Variants in UNC80 observed in about 807,000 individuals in gnomAD.
The protein encoded by UNC80 is unc-80 subunit of NALCN channel complex.
UNC80 carries 164 observed loss-of-function variants against 384.6 expected under a neutral mutation model. That is an observed-to-expected ratio of 0.43 (90% CI 0.38 to 0.49). The LOEUF is 0.49. UNC80 is among the 20% of genes least tolerant of loss of function. UNC80 has a pLI of 0.00. For missense variants in UNC80, 3,330 were observed against 4,143.0 expected (o/e 0.80, Z 5.39); for synonymous variants, 1,486 against 1,527.8 (o/e 0.97, Z 0.64).
At chr2:209,966,900 G>A (rs2092756740) in intron 51 of UNC80, among the ~76,000 whole-genome samples, 1 of 152,172 alleles carries the variant, frequency 6.6e-6, no homozygotes, top group Admixed American at 6.5e-5. Context: ...AATGGAGCCT[G>A]AAGAACCCCT....
intron 35 of UNC80, among the ~76,000 whole-genome samples, chr2:209,924,520 G>C (rs1367262223): frequency 2.6e-5 from 4 of 151,974 alleles, no homozygotes; most frequent in Non-Finnish European, 5.9e-5. Flanking sequence ...CTTCATTTTT[G>C]TACTTTCTGC....
chr2:209,776,554 C>G (rs2076876746), intron 3 of UNC80, among the ~76,000 whole-genome samples: 1 of 152,172 alleles, frequency 6.6e-6, no homozygotes, highest in South Asian at 2.1e-4. Context: ...GCATTCCAGC[C>G]TAGGTGACAA....
rs567901536 is a variant in UNC80 at position 209,789,764 on chromosome 2, C to A, written c.798+159C>A. Reference sequence around the variant, plus strand: ...TAACAGCTTCAGGTTTTTTATCAGTCGTATGAAAATTAATTTTCTGTATCT... The same window carrying A: ...TAACAGCTTCAGGTTTTTTATCAGTAGTATGAAAATTAATTTTCTGTATCT... On this transcript the variant is annotated intron_variant, in intron 6 of 64. Transcript: ENST00000673920. 2.2e-4 allele frequency among the ~76,000 whole-genome samples: 33 copies of A among 151,766 alleles called. No individual in the cohort carries two copies. In the South Asian group the frequency reaches 6.7e-3, roughly 31 times the overall value.
chr2:209,962,713 C>T (rs774194403), intron 51 of UNC80, among the ~76,000 whole-genome samples: 5 of 152,158 alleles, frequency 3.3e-5, no homozygotes, highest in Non-Finnish European at 5.9e-5. Context: ...AAAAGACAGG[C>T]CTGCCATAGT....
intron 61 of UNC80, among the ~76,000 whole-genome samples, chr2:209,991,934 G>A (rs7589926): frequency 0.49 from 74,608 of 151,940 alleles, 18,397 homozygotes; most frequent in Non-Finnish European, 0.5. Context: ...TGATAGATAC[G>A]GCATCAGTGA....
chr2:209,895,936 A>G (rs1368500133), intron 27 of UNC80, among the ~76,000 whole-genome samples: 1 of 152,180 alleles, frequency 6.6e-6, no homozygotes, highest in Non-Finnish European at 1.5e-5. Context: ...ACTGTGAGGC[A>G]GGTTAGTTGC....
intron 62 of UNC80, among the ~76,000 whole-genome samples, chr2:209,992,989 A>G (rs1213844413): frequency 6.6e-6 from 1 of 152,236 alleles, no homozygotes; most frequent in Non-Finnish European, 1.5e-5. Context: ...GCATATGTCC[A>G]GCTATAAGTT....
chr2:209,841,714 C>T (rs758462633), intron 20 of UNC80, among the ~76,000 whole-genome samples: 6 of 152,130 alleles, frequency 3.9e-5, no homozygotes, highest in Non-Finnish European at 7.4e-5. Flanking sequence ...AAATAATATG[C>T]AAGACTATAG....
chr2:209,874,448 G>A (rs2084591422), intron 23 of UNC80, among the ~76,000 whole-genome samples: 1 of 152,224 alleles, frequency 6.6e-6, no homozygotes, highest in Admixed American at 6.5e-5. Flanking sequence ...TTTATAGGGA[G>A]ATTGTCACCA....
chr2:209,794,008 A>T, intron 7 of UNC80, 149 bp downstream of exon 7: 1 of 981,586 alleles, frequency 1.0e-6, no homozygotes, highest in Non-Finnish European at 1.4e-6. Flanking sequence ...ATAATTAATA[A>T]TTGTAGAAAT....
intron 60 of UNC80, among the ~76,000 whole-genome samples, chr2:209,984,061 A>G (rs1048575880): frequency 6.6e-6 from 1 of 152,188 alleles, no homozygotes; most frequent in Admixed American, 6.5e-5. Context: ...TGCCTCACAG[A>G]TGCTTAGCTC....
chr2:209,931,254 C>A (rs184914509), intron 38 of UNC80, among the ~76,000 whole-genome samples, 200 bp downstream of exon 38: 27 of 152,140 alleles, frequency 1.8e-4, no homozygotes, highest in African/African-American at 4.8e-4. Context: ...TCCTCTCTGT[C>A]TTCCTTTAGC....
chr2:209,967,540 A>G lies in UNC80; in HGVS notation c.7909A>G (p.Thr2637Ala). The change falls in exon 52 of 65, where the codon ACT (threonine) becomes GCT (alanine). Residue 2637 changes from threonine to alanine, a missense_variant. Transcript: ENST00000673920. The stretch of plus-strand genomic sequence containing the variant: ...CTACATCATGGAGATGCTACCCATT[A>G]CTGACTGGACAGCTGAGGCAGTGAG... ...RRYIMEMLPITDWTAEAVRPA... is the reference protein window; with the variant it reads ...RRYIMEMLPIADWTAEAVRPA... 6.4e-7 allele frequency: 1 copy of G among 1,551,660 alleles called. No individual in the cohort carries two copies. Among genetic ancestry groups the G allele is most frequent in the South Asian group, 1.2e-5 (1 of 84,060 alleles).
chr2:209,839,511 G>A lies in UNC80; in HGVS notation c.3250+81G>A. The A allele has an allele frequency of 6.9e-7, 1 of 1,440,752 alleles. No individual in the cohort carries two copies. The allele number at this position is 1,440,752 out of a possible 1,614,324, so 89.2% of individuals were successfully genotyped here. A position where few individuals can be genotyped will look rare whatever the true frequency, so the allele number is the denominator to read the frequency against. On this transcript the variant is annotated intron_variant, in intron 19 of 64. Coordinates refer to ENST00000673920, the MANE Select transcript of UNC80 (RefSeq NM_001371986.1). This position sits in a 1 kb window ranked among gnomAD's most constrained non-coding sequence, Gnocchi z 4.1. ...GATCAACTCAGTGATGCATAGTAGG[G>A]CCGAAAAAGAAGACCTTCAAGTCAT... is the stretch of plus-strand genomic sequence containing the variant.
At chr2:209,980,140 TTG>T (rs1188630095) in intron 59 of UNC80, among the ~76,000 whole-genome samples, 1 of 152,188 alleles carries the variant, frequency 6.6e-6, no homozygotes, top group Non-Finnish European at 1.5e-5. Context: ...TAGGGAAATC[TTG>T]ACTGAGAAAA....
rs67328888 is a variant in UNC80, at chr2:209,866,486, A to ACCCC, written c.3628-6270_3628-6267dup. Among the ~76,000 whole-genome samples, 638 of 111,464 alleles carry ACCCC rather than the reference A, an allele frequency of 5.7e-3. 5 individuals carry two copies. The highest frequency in any genetic ancestry group is 0.018 in the African/African-American group (462 of 25,342). The allele number at this position is 111,464 out of a possible 152,430, so 73.1% of individuals were successfully genotyped here. On this transcript the variant is annotated intron_variant, in intron 22 of 64. Coordinates refer to ENST00000673920, the MANE Select transcript of UNC80 (RefSeq NM_001371986.1). ...ATAAACATTCCATAATACAAAATGC[A>ACCCC]CCCCCACACACACACACACACACAC...
At chr2:209,821,744 G>A (rs1164939143) in intron 13 of UNC80, among the ~76,000 whole-genome samples, 2 of 152,082 alleles carry the variant, frequency 1.3e-5, no homozygotes, top group East Asian at 1.9e-4. Flanking sequence ...AATTACTACA[G>A]CTTAAATTCA....
intron 7 of UNC80, among the ~76,000 whole-genome samples, chr2:209,809,942 A>G (rs1339185225): frequency 6.6e-6 from 1 of 152,022 alleles, no homozygotes; most frequent in African/African-American, 2.4e-5. Flanking sequence ...ACAGGACAAG[A>G]GCTGACAGAC....
intron 3 of UNC80, among the ~76,000 whole-genome samples, chr2:209,777,014 T>C (rs991612218): frequency 6.6e-6 from 1 of 152,174 alleles, no homozygotes; most frequent in Admixed American, 6.5e-5. Flanking sequence ...CGCTGCCTAT[T>C]TGGAAATATA....
Sources: gnomAD v4.1 joint callset for allele counts (sites outside exome capture counted in the v4.1 genomes callset) on GRCh38, gnomAD v4.1.1 for gene constraint, Gnocchi (gnomAD v3.1) non-coding constraint, MANE v1.5 for transcripts, NCBI Gene and HGNC (gene_info 2026-07-23, HGNC 2026-07-21) for gene names.